The following P3H4 variants were observed in gnomAD, a reference collection of about 807,000 sequenced individuals.
P3H4 encodes the protein endoplasmic reticulum protein SC65.
P3H4 carries 47 observed loss-of-function variants against 52.9 expected under a neutral mutation model. That is an observed-to-expected ratio of 0.89 (90% CI 0.70 to 1.13). P3H4 has a LOEUF of 1.13. Among genes scored for constraint, P3H4 ranks in the 50% most tolerant of loss-of-function variants. P3H4 has a pLI of 0.00. For synonymous variants in P3H4, 256 were observed against 267.9 expected, an observed-to-expected ratio of 0.96 and a Z score of 0.44; for missense variants, 585 against 611.0, an observed-to-expected ratio of 0.96 and a Z score of 0.45.
At position 41,811,578 on chromosome 17, in the gene P3H4, G is replaced by A. The variant is rs782598221; in HGVS notation, c.338C>T (p.Ala113Val). 1.4e-4 allele frequency: 219 copies of A among 1,598,980 alleles called. No homozygotes were observed. Among genetic ancestry groups the A allele is most frequent in the Non-Finnish European group, 3.9e-5 (46 of 1,174,764 alleles). Reference sequence around the variant, plus strand: ...CCGCTTGCAGCGCCGCAGGCAGGCGGCTCGCTCCAGGACGCGGCCGAAGAG... The same window carrying A: ...CCGCTTGCAGCGCCGCAGGCAGGCGACTCGCTCCAGGACGCGGCCGAAGAG... ...LRLFGRVLER[A>V]ACLRRCKRTL... The change falls in exon 1 of 8, where the codon GCC becomes GTC. Residue 113 changes from alanine (A) to valine (V), a missense_variant. Transcript: ENST00000393928. The surrounding 1 kb of genome is among the most constrained non-coding windows in gnomAD (Gnocchi z 4.8).
At position 41,807,980 on chromosome 17, in the gene P3H4, C is replaced by T. The variant is rs138564388; in HGVS notation, c.941G>A (p.Arg314His). The change falls in exon 5 of 8, where the codon CGC becomes CAC. Residue 314 changes from arginine (R) to histidine (H), a missense_variant. Physicochemically the swap from Arg to His is conservative, Grantham distance 29. Coordinates refer to ENST00000393928, the MANE Select transcript of P3H4 (RefSeq NM_006455.3). ...GAAGAGCATGTAGCTGGCGGCGCTG[C>T]GGGCAGCCTGGCGCACATCATTCAC... ...YKLNDVRQAARSAASYMLFDP... is the reference protein window; with the variant it reads ...YKLNDVRQAAHSAASYMLFDP... 1.7e-4 allele frequency: 272 copies of T among 1,613,818 alleles called. No individual in the cohort carries two copies. The highest frequency in any genetic ancestry group is 2.1e-4 in the Non-Finnish European group (244 of 1,179,906).
In P3H4 at chr17:41,810,860, T is replaced by C. The variant is rs1555614883; in HGVS notation, c.787+3A>G. The C allele has an allele frequency of 6.2e-7, 1 of 1,610,952 alleles. No homozygotes were observed. Among genetic ancestry groups the C allele is most frequent in the Non-Finnish European group, 8.5e-7 (1 of 1,177,782 alleles). On this transcript the variant is annotated splice_donor_region_variant and intron_variant, in intron 3 of 7. Transcript: ENST00000393928. ...CGCCCACCGTGGTCTGGGTGGCAGA[T>C]ACCTGCTATGGCCGGGTAGAAGTCC... is the stretch of plus-strand genomic sequence containing the variant.
In P3H4 at chr17:41,802,606, C is replaced by A. The variant is rs536542026; in HGVS notation, c.*351G>T. 5.4e-4 allele frequency: 139 copies of A among 256,334 alleles called. No homozygotes were observed. The highest frequency in any genetic ancestry group is 1.4e-3 in the South Asian group (31 of 22,386). 15.9% of individuals were successfully genotyped at this position (256,334 alleles called of 1,614,324 possible). A position where few individuals can be genotyped will look rare whatever the true frequency, so the allele number is the denominator to read the frequency against. ...TCGCTCTGTCGCCCAGGCTGGAGTG[C>A]GGTGGCGCAATCTCAGTTCACTGCA... is the stretch of plus-strand genomic sequence containing the variant. On this transcript the variant is annotated 3_prime_UTR_variant, in exon 8 of 8. Coordinates refer to ENST00000393928, the MANE Select transcript of P3H4 (RefSeq NM_006455.3).
chr17:41,805,727 G>C (rs1381865294), intron 6 of P3H4, among the ~76,000 whole-genome samples: 10 of 152,162 alleles, frequency 6.6e-5, no homozygotes, highest in Non-Finnish European at 1.3e-4. Flanking sequence ...ACACTTGTTT[G>C]GAGGCCACCC....
chr17:41,803,490 G>C, intron 6 of P3H4, 59 bp from the exon 7 acceptor site: 1 of 1,518,576 alleles, frequency 6.6e-7, no homozygotes, highest in Non-Finnish European at 9.0e-7. Flanking sequence ...AACCCATATG[G>C]GCTCCCTTCC....
rs781836884 is a variant in P3H4, at chr17:41,806,860, T to A, written c.1082A>T (p.Asn361Ile). The change falls in exon 6 of 8, where the codon AAC (asparagine) becomes ATC (isoleucine). Residue 361 changes from asparagine to isoleucine, a missense_variant. By Grantham distance (149) the Asn-to-Ile change is moderately radical. Coordinates refer to ENST00000393928, the MANE Select transcript of P3H4 (RefSeq NM_006455.3). ...QPREEAMLYHNQTAELRELLE... is the reference protein window; with the variant it reads ...QPREEAMLYHIQTAELRELLE... ...CAGCTCCCGCAGCTCGGCGGTCTGG[T>A]TGTGGTAGAGCATGGCCTCCTGGAA... is the stretch of plus-strand genomic sequence containing the variant. The A allele has an allele frequency of 6.2e-7, 1 of 1,613,596 alleles. No homozygotes were observed. Among genetic ancestry groups the A allele is most frequent in the Non-Finnish European group, 8.5e-7 (1 of 1,179,876 alleles).
chr17:41,811,008 G>A lies in P3H4; in HGVS notation c.642C>T (p.Leu214=), dbSNP rs139718991. Residue 214 remains leucine, a synonymous_variant, in exon 3 of 8, where the codon CTC becomes CTT. Transcript: ENST00000393928. This position sits in a 1 kb window ranked among gnomAD's most constrained non-coding sequence, Gnocchi z 4.8. ...YEAVFLRAVK[L]YNSGDFRSST... is the part of the protein sequence containing the mutation. ...TGCTGCGGAAATCCCCGCTGTTGTAGAGCTTCACAGCCCGGAGGAACACGG... is the reference window on the plus strand; with the variant it reads ...TGCTGCGGAAATCCCCGCTGTTGTAAAGCTTCACAGCCCGGAGGAACACGG... The A allele has an allele frequency of 2.4e-5, 39 of 1,613,968 alleles. No homozygotes were observed. The highest frequency in any genetic ancestry group is 4.0e-5 in the African/African-American group (3 of 74,948).
chr17:41,811,383 C>T lies in P3H4; in HGVS notation c.462+71G>A. The T allele has an allele frequency of 6.2e-7, 1 of 1,606,580 alleles. No homozygotes were observed. Among genetic ancestry groups the T allele is most frequent in the Non-Finnish European group, 8.5e-7 (1 of 1,175,434 alleles). On this transcript the variant is annotated intron_variant, in intron 1 of 7. Transcript: ENST00000393928. The surrounding 1 kb of genome is among the most constrained non-coding windows in gnomAD (Gnocchi z 4.8). ...TCGTGCCTTGGGTGAAGATAACGCT[C>T]CTTCGACCGATCTGTGGGGAGCCAC...
intron 3 of P3H4, chr17:41,810,597 T>A: frequency 2.2e-6 from 1 of 458,930 alleles, no homozygotes; most frequent in South Asian, 3.8e-5. Context: ...CGCTGCACCT[T>A]TGCATCTGCA....
At chr17:41,808,052 A>G (rs1445602021) in intron 4 of P3H4, 48 bp from the exon 5 acceptor site, 8 of 1,584,172 alleles carry the variant, frequency 5.0e-6, no homozygotes, top group Non-Finnish European at 6.9e-6. Flanking sequence ...TCCCCTTCAG[A>G]GTCAACTCCA....
chr17:41,805,335 C>CT (rs1430958701), intron 6 of P3H4, among the ~76,000 whole-genome samples: 69 of 119,158 alleles, frequency 5.8e-4, no homozygotes, highest in African/African-American at 1.9e-3. Context: ...TTAATTCTTT[C>CT]TCTTTTTTCG....
Position 41,811,847 on chromosome 17 carries a change from G to A in P3H4, c.69C>T (p.Tyr23=). 1 of 1,547,970 alleles carries A rather than the reference G, an allele frequency of 6.5e-7. No homozygotes were observed. The highest frequency in any genetic ancestry group is 8.6e-7 in the Non-Finnish European group (1 of 1,157,950). The change falls in exon 1 of 8, where the codon TAC becomes TAT. Residue 23 remains tyrosine (Y), a synonymous_variant. Transcript: ENST00000393928. This position sits in a 1 kb window ranked among gnomAD's most constrained non-coding sequence, Gnocchi z 4.8. ...CCTCGGGCGGGAAGCCCCGGAAGCT[G>A]TACTTCTCGTACTGCGCCCCGGCGC... ...LGSAGAQYEK[Y]SFRGFPPEDL... is the part of the protein sequence containing the mutation.
chr17:41,811,555 G>T lies in P3H4; in HGVS notation c.361C>A (p.Arg121=), dbSNP rs758108156. ...ERAACLRRCK[R]TLPAFQVPYP... ...GGCACCTGGAAGGCGGGCAGCGTCC[G>T]CTTGCAGCGCCGCAGGCAGGCGGCT... The change falls in exon 1 of 8, where the codon CGG becomes AGG. Residue 121 remains arginine, a synonymous_variant. Coordinates refer to ENST00000393928, the MANE Select transcript of P3H4 (RefSeq NM_006455.3). The surrounding 1 kb of genome is among the most constrained non-coding windows in gnomAD (Gnocchi z 4.8). The T allele has an allele frequency of 5.6e-5, 90 of 1,608,284 alleles. No homozygotes were observed. The highest frequency in any genetic ancestry group is 7.5e-5 in the Non-Finnish European group (88 of 1,178,366).
In P3H4 at chr17:41,802,986, AG is replaced by A. The variant is rs1555613706; in HGVS notation, c.1292-8del. 2.5e-6 allele frequency: 4 copies of A among 1,610,328 alleles called. No individual in the cohort carries two copies. Among genetic ancestry groups the A allele is most frequent in the Non-Finnish European group, 3.4e-6 (4 of 1,178,728 alleles). On this transcript the variant is annotated splice_polypyrimidine_tract_variant and splice_region_variant and intron_variant, in intron 7 of 7. Transcript: ENST00000393928. The stretch of plus-strand genomic sequence containing the variant: ...GCGAGTTCAGGCTCTGGCTCTGAAA[AG>A]GAAAGGAGAAAGCACTGGGGTTGCT...
At position 41,802,684 on chromosome 17, in the gene P3H4, T is replaced by G. The variant is rs1391523829; in HGVS notation, c.*273A>C. ...CTCCTGCCTCAGCCTCTTGAGTAGC[T>G]GGGATTTCAGGCGCCTGCCACCACA... On this transcript the variant is annotated 3_prime_UTR_variant, in exon 8 of 8. Coordinates refer to ENST00000393928, the MANE Select transcript of P3H4 (RefSeq NM_006455.3). 3 of 388,382 alleles carry G rather than the reference T, an allele frequency of 7.7e-6. No homozygotes were observed. The highest frequency in any genetic ancestry group is 1.4e-5 in the Non-Finnish European group (3 of 217,766). 24.1% of individuals were successfully genotyped at this position (388,382 alleles called of 1,614,324 possible).
At position 41,803,294 on chromosome 17, in the gene P3H4, G is replaced by A. The variant is rs139476472; in HGVS notation, c.1284C>T (p.Ala428=). 194 of 1,612,980 alleles carry A rather than the reference G, an allele frequency of 1.2e-4. No homozygotes were observed. The highest frequency in any genetic ancestry group is 9.9e-4 in the Middle Eastern group (6 of 6,080). The part of the protein sequence containing the change: ...WQEPDAKGDE[A]EAEPEPELA Reference sequence around the variant, plus strand: ...AGGACTCGTGTCACTGACCAGCCTCGGCCTCGTCACCCTTGGCATCCGGCT... The same window carrying A: ...AGGACTCGTGTCACTGACCAGCCTCAGCCTCGTCACCCTTGGCATCCGGCT... Residue 428 remains alanine (A), a synonymous_variant, in exon 7 of 8, where the codon GCC becomes GCT. Transcript: ENST00000393928.
chr17:41,811,342 G>A lies in P3H4; in HGVS notation c.463-58C>T, dbSNP rs1038526340. ...CAGCAAGACCGGAGCTCGCGGCCCC[G>A]AGCGCACGGCGGGCTTCGTGCCTTG... On this transcript the variant is annotated intron_variant, in intron 1 of 7. Transcript: ENST00000393928. The surrounding 1 kb of genome is among the most constrained non-coding windows in gnomAD (Gnocchi z 4.8). 8.1e-6 allele frequency: 13 copies of A among 1,607,842 alleles called. No homozygotes were observed. Among genetic ancestry groups the A allele is most frequent in the East Asian group, 4.5e-5 (2 of 44,820 alleles).
intron 6 of P3H4, among the ~76,000 whole-genome samples, chr17:41,805,788 G>A (rs2047667987): frequency 6.6e-6 from 1 of 152,184 alleles, no homozygotes; most frequent in Non-Finnish European, 1.5e-5. Context: ...CCTGGGTGCT[G>A]ACGGTGTAGA....
rs2047666752 is a variant in P3H4 at position 41,805,659 on chromosome 17, A to C, written c.1146+1137T>G. 2.0e-5 allele frequency among the ~76,000 whole-genome samples: 3 copies of C among 152,110 alleles called. 1 individual carries two copies. The highest frequency in any genetic ancestry group is 2.0e-4 in the Admixed American group (3 of 15,258). ...GTTATTCTCACCACAACAATGTGAGATGGGCATGATTCTCCCCATTCAATG... is the reference window on the plus strand; with the variant it reads ...GTTATTCTCACCACAACAATGTGAGCTGGGCATGATTCTCCCCATTCAATG... On this transcript the variant is annotated intron_variant, in intron 6 of 7. Transcript: ENST00000393928.
Sources: allele counts gnomAD v4.1 joint callset (sites outside exome capture counted in the v4.1 genomes callset), GRCh38; gene constraint gnomAD v4.1.1; non-coding constraint Gnocchi (gnomAD v3.1); transcripts MANE v1.5; gene names NCBI Gene and HGNC (gene_info 2026-07-23, HGNC 2026-07-21).